Variants in NDUFAF2 observed in about 807,000 individuals in gnomAD.
NDUFAF2 encodes the protein NADH dehydrogenase [ubiquinone] 1 alpha subcomplex assembly factor 2.
In NDUFAF2, 13 loss-of-function variants were observed where a neutral mutation model predicts 22.8. The ratio of observed to expected loss-of-function variants is 0.57; its 90% CI spans 0.37 to 0.91. The LOEUF (loss-of-function observed/expected upper bound fraction) is 0.91, where lower values mean the gene tolerates loss of function less well. Among genes scored for constraint, NDUFAF2 ranks in the 40% least tolerant of loss-of-function variants. The pLI is 0.01. For missense variants in NDUFAF2, 162 were observed against 195.2 expected, an observed-to-expected ratio of 0.83 and a Z score of 1.01; for synonymous variants, 53 against 64.2, an observed-to-expected ratio of 0.83 and a Z score of 0.84.
At chr5:60,997,944 G>A (rs1311718762) in intron 1 of NDUFAF2, among the ~76,000 whole-genome samples, 1 of 152,096 alleles carries the variant, frequency 6.6e-6, no homozygotes, top group Non-Finnish European at 1.5e-5. Flanking sequence ...TAAATTATTG[G>A]CAGCAAAGCA....
chr5:60,983,178 T>G (rs1461207824), intron 1 of NDUFAF2, among the ~76,000 whole-genome samples: 3 of 150,766 alleles, frequency 2.0e-5, no homozygotes, highest in African/African-American at 7.3e-5. Flanking sequence ...TCATGTGTCT[T>G]TTGGCTGCAT....
chr5:61,059,374 A>C (rs1752136603), intron 1 of NDUFAF2, among the ~76,000 whole-genome samples: 1 of 152,066 alleles, frequency 6.6e-6, no homozygotes, highest in African/African-American at 2.4e-5. Flanking sequence ...TTTTTTCTTA[A>C]ATTGTGATAT....
At chr5:61,139,582 A>G (rs895092261) in intron 3 of NDUFAF2, among the ~76,000 whole-genome samples, 1 of 152,040 alleles carries the variant, frequency 6.6e-6, no homozygotes, top group Admixed American at 6.5e-5. Flanking sequence ...TTAAAGCAGA[A>G]CTCTTTTTCT....
At chr5:60,959,613 A>G (rs983762006) in intron 1 of NDUFAF2, among the ~76,000 whole-genome samples, 3 of 152,102 alleles carry the variant, frequency 2.0e-5, no homozygotes, top group African/African-American at 7.2e-5. Context: ...GCATCATCAG[A>G]TTGATAGAAT....
At position 61,147,437 on chromosome 5, in the gene NDUFAF2, C is replaced by CTTTTTTTTTTTTTTTTTTTTT. The variant is rs1240336890; in HGVS notation, c.259-5250_259-5249insTTTTTTTTTTTTTTTTTTTTT. Among the ~76,000 whole-genome samples, 56 of 84,736 alleles carry CTTTTTTTTTTTTTTTTTTTTT rather than the reference C, an allele frequency of 6.6e-4. 10 individuals are homozygous for CTTTTTTTTTTTTTTTTTTTTT. The highest frequency in any genetic ancestry group is 2.1e-3 in the South Asian group (4 of 1,914). 55.6% of individuals were successfully genotyped at this position (84,736 alleles called of 152,430 possible). ...CTAATTTTTGTATTTTTTTTTCTTT[C>CTTTTTTTTTTTTTTTTTTTTT]TTTTTTTTTTTTTTTTTGTAGCAAC... On this transcript the variant is annotated intron_variant, in intron 3 of 3. Coordinates refer to ENST00000296597, the MANE Select transcript of NDUFAF2 (RefSeq NM_174889.5).
intron 2 of NDUFAF2, among the ~76,000 whole-genome samples, chr5:61,095,066 CTA>C (rs1227697093): frequency 2.6e-5 from 4 of 152,086 alleles, no homozygotes; most frequent in Non-Finnish European, 5.9e-5. Flanking sequence ...CCTGGAATGG[CTA>C]TGTCACCGAA....
intron 1 of NDUFAF2, chr5:61,050,438 TG>T (rs1030412099): frequency 6.6e-6 from 1 of 152,144 alleles, no homozygotes; most frequent in African/African-American, 2.4e-5. Flanking sequence ...ACTCTATTGT[TG>T]CGCAAATGAT....
At chr5:61,052,955 C>A (rs1391578553) in intron 1 of NDUFAF2, among the ~76,000 whole-genome samples, 1 of 152,258 alleles carries the variant, frequency 6.6e-6, no homozygotes, top group Non-Finnish European at 1.5e-5. Context: ...CTACCTTTAG[C>A]AGCTCCATTT....
At chr5:61,053,070 C>A (rs1561552043) in intron 1 of NDUFAF2, among the ~76,000 whole-genome samples, 2 of 144,886 alleles carry the variant, frequency 1.4e-5, no homozygotes, top group South Asian at 4.3e-4. Flanking sequence ...ATTATGTGTT[C>A]CTGGGTGCTC....
At chr5:61,134,413 C>T (rs1289578129) in intron 3 of NDUFAF2, among the ~76,000 whole-genome samples, 1 of 152,176 alleles carries the variant, frequency 6.6e-6, no homozygotes, top group African/African-American at 2.4e-5. Context: ...CCGCCAGGCG[C>T]GGTGGCTCAC....
At chr5:61,005,297 A>G (rs1049608871) in intron 1 of NDUFAF2, among the ~76,000 whole-genome samples, 4 of 152,148 alleles carry the variant, frequency 2.6e-5, no homozygotes, top group African/African-American at 7.2e-5. Flanking sequence ...ATAGTGTTCC[A>G]TGGTGTATAT....
chr5:60,996,056 G>A (rs1751224750), intron 1 of NDUFAF2, among the ~76,000 whole-genome samples: 4 of 152,042 alleles, frequency 2.6e-5, no homozygotes, highest in Non-Finnish European at 4.4e-5. Context: ...CTCCCCTCTG[G>A]TCCAGGGTAG....
intron 1 of NDUFAF2, among the ~76,000 whole-genome samples, chr5:61,009,746 A>G (rs10069623): frequency 0.046 from 7,052 of 152,116 alleles, 557 homozygotes; most frequent in African/African-American, 0.16. Flanking sequence ...CCCTAAAGCA[A>G]ATCAGATCCA....
chr5:61,055,422 A>G (rs1324529700), intron 1 of NDUFAF2, among the ~76,000 whole-genome samples: 1 of 152,214 alleles, frequency 6.6e-6, no homozygotes, highest in Non-Finnish European at 1.5e-5. Context: ...CAGGTTTTTG[A>G]AAGGAGATAT....
At chr5:60,962,342 A>G (rs1393929470) in intron 1 of NDUFAF2, among the ~76,000 whole-genome samples, 1 of 152,076 alleles carries the variant, frequency 6.6e-6, no homozygotes, top group Non-Finnish European at 1.5e-5. Flanking sequence ...GATTTTTATT[A>G]CTCAGTGATT....
At position 60,990,898 on chromosome 5, in the gene NDUFAF2, C is replaced by T. The variant is rs186009539; in HGVS notation, c.127+45516C>T. Among the ~76,000 whole-genome samples the T allele has an allele frequency of 3.3e-3, 499 of 152,218 alleles. 2 individuals are homozygous for T. The highest frequency in any genetic ancestry group is 0.012 in the African/African-American group (483 of 41,542). On this transcript the variant is annotated intron_variant, in intron 1 of 3. Transcript: ENST00000296597. Reference sequence around the variant, plus strand: ...CAGAGCCTTTTGGATCTGTCCTTTTCTTCATTTATGGATGAGGCAGCTGAG... The same window carrying T: ...CAGAGCCTTTTGGATCTGTCCTTTTTTTCATTTATGGATGAGGCAGCTGAG...
intron 1 of NDUFAF2, among the ~76,000 whole-genome samples, chr5:61,042,112 T>G (rs1252458102): frequency 1.3e-5 from 2 of 152,218 alleles, no homozygotes; most frequent in African/African-American, 4.8e-5. Context: ...TTTAAATACC[T>G]AAATTAGCAC....
In NDUFAF2 at chr5:60,963,453, C is replaced by T. The variant is rs913886084; in HGVS notation, c.127+18071C>T. Among the ~76,000 whole-genome samples, 7 of 152,296 alleles carry T rather than the reference C, an allele frequency of 4.6e-5. 1 individual carries two copies. Among genetic ancestry groups the T allele is most frequent in the Admixed American group, 6.5e-5 (1 of 15,302 alleles). ...ACTTCATCTCTCATCTAGAATTCAT[C>T]TTTCCATAAGTGTTGTACATTGTAC... On this transcript the variant is annotated intron_variant, in intron 1 of 3. Transcript: ENST00000296597.
intron 3 of NDUFAF2, among the ~76,000 whole-genome samples, chr5:61,136,849 A>G (rs559014579): frequency 3.5e-4 from 54 of 152,282 alleles, no homozygotes; most frequent in African/African-American, 1.2e-3. Flanking sequence ...CCAATTTCTC[A>G]CTAAGGCTCA....
Sources: gnomAD v4.1 joint callset for allele counts (sites outside exome capture counted in the v4.1 genomes callset) on GRCh38, gnomAD v4.1.1 for gene constraint, MANE v1.5 for transcripts, NCBI Gene and HGNC (gene_info 2026-07-23, HGNC 2026-07-21) for gene names.